Variants in GALNT17 observed in about 807,000 individuals in gnomAD.
The protein encoded by GALNT17 is UDP-GalNAc:polypeptide N-acetylgalactosaminyltransferase-like 3.
Under a neutral mutation model 63.7 loss-of-function variants are expected in GALNT17, and 29 were observed. The ratio of observed to expected loss-of-function variants is 0.46; its 90% CI spans 0.34 to 0.62. GALNT17 has a LOEUF of 0.62. Ranked by LOEUF, GALNT17 falls within the 20% of genes least tolerant of loss-of-function variation. The probability of loss-of-function intolerance (pLI) is 0.01; values close to 1 mark genes in which losing one functional copy is unlikely to be tolerated. For synonymous variants in GALNT17, 305 were observed against 318.3 expected, an observed-to-expected ratio of 0.96 and a Z score of 0.45; for missense variants, 603 against 799.6, an observed-to-expected ratio of 0.75 and a Z score of 2.97.
chr7:71,311,469 C>CA (rs1791412876), intron 1 of GALNT17, among the ~76,000 whole-genome samples: 1 of 151,924 alleles, frequency 6.6e-6, no homozygotes, highest in South Asian at 2.1e-4. Context: ...CCCATCTCTA[C>CA]AAAAAATAAA....
intron 5 of GALNT17, among the ~76,000 whole-genome samples, chr7:71,555,532 C>T (rs1274289252): frequency 6.6e-6 from 1 of 151,970 alleles, no homozygotes; most frequent in East Asian, 1.9e-4. Flanking sequence ...CATCAGGCCC[C>T]ACCTATAACA....
intron 9 of GALNT17, among the ~76,000 whole-genome samples, chr7:71,693,262 A>G (rs1791485444): frequency 2.2e-5 from 2 of 90,600 alleles, no homozygotes; most frequent in Non-Finnish European, 4.9e-5. Flanking sequence ...ACACACACAC[A>G]TACACACACA....
chr7:71,377,105 AATAAAAAAAAT>A (rs1792749002), intron 2 of GALNT17, among the ~76,000 whole-genome samples: 6 of 64,716 alleles, frequency 9.3e-5, no homozygotes, highest in African/African-American at 3.2e-4. Flanking sequence ...AAAAAATAAA[AATAAAAAAAAT>A]ATATATATAT....
chr7:71,689,642 C>T (rs528741511), intron 9 of GALNT17, among the ~76,000 whole-genome samples: 2 of 152,336 alleles, frequency 1.3e-5, no homozygotes, highest in South Asian at 4.1e-4. Context: ...CAGGGTGAAG[C>T]AGCAAGTGCT....
intron 3 of GALNT17, among the ~76,000 whole-genome samples, chr7:71,399,256 T>C (rs1022023113): frequency 6.6e-6 from 1 of 152,000 alleles, no homozygotes; most frequent in Non-Finnish European, 1.5e-5. Context: ...CCAAAAAAAA[T>C]GTGGGAGTAG....
chr7:71,697,110 A>G (rs561625573), intron 9 of GALNT17, among the ~76,000 whole-genome samples: 2 of 152,300 alleles, frequency 1.3e-5, no homozygotes, highest in Non-Finnish European at 2.9e-5. Context: ...ACTAAGCCAG[A>G]AAAGCAAGAG....
At chr7:71,655,102 T>C (rs1790809800) in intron 6 of GALNT17, among the ~76,000 whole-genome samples, 1 of 151,954 alleles carries the variant, frequency 6.6e-6, no homozygotes, top group Non-Finnish European at 1.5e-5. Flanking sequence ...CTACAAAATA[T>C]TCAAAAATTA....
In GALNT17 at chr7:71,157,128, C is replaced by A. The variant is rs78462632; in HGVS notation, c.238+24088C>A. Among the ~76,000 whole-genome samples, 135 of 151,608 alleles carry A rather than the reference C, an allele frequency of 8.9e-4. 3 individuals are homozygous for A. The highest frequency in any genetic ancestry group is 3.2e-3 in the African/African-American group (130 of 41,102). ...TGAGCCACTGTGCATGGTTCAACACCCTTGTTTTGAAGTACTTTTCTAGTC... is the reference window on the plus strand; with the variant it reads ...TGAGCCACTGTGCATGGTTCAACACACTTGTTTTGAAGTACTTTTCTAGTC... On this transcript the variant is annotated intron_variant, in intron 1 of 10. Coordinates refer to ENST00000333538, the MANE Select transcript of GALNT17 (RefSeq NM_022479.3).
intron 2 of GALNT17, among the ~76,000 whole-genome samples, chr7:71,370,646 T>C (rs1024397001): frequency 6.6e-6 from 1 of 152,048 alleles, no homozygotes; most frequent in Non-Finnish European, 1.5e-5. Flanking sequence ...TTTTGTATTT[T>C]TAGTAGAGAT....
chr7:71,247,792 A>T (rs570279231), intron 1 of GALNT17, among the ~76,000 whole-genome samples: 1 of 152,370 alleles, frequency 6.6e-6, no homozygotes, highest in South Asian at 2.1e-4. Flanking sequence ...CTAACCAGTA[A>T]CATAAAGTCC....
intron 2 of GALNT17, among the ~76,000 whole-genome samples, chr7:71,338,984 G>A (rs546161916): frequency 1.0e-3 from 159 of 152,266 alleles, no homozygotes; most frequent in African/African-American, 3.7e-3. Context: ...GCTATTTTGT[G>A]TCCCTGGACT....
chr7:71,540,093 C>CTTTTTTTTTTTTTTTTTTTTT lies in GALNT17; in HGVS notation c.963-31177_963-31157dup, dbSNP rs71089954. Among the ~76,000 whole-genome samples, 5 of 33,524 alleles carry CTTTTTTTTTTTTTTTTTTTTT rather than the reference C, an allele frequency of 1.5e-4. 1 individual carries two copies. The highest frequency in any genetic ancestry group is 2.2e-4 in the Non-Finnish European group (4 of 18,022). 22.0% of individuals were successfully genotyped at this position (33,524 alleles called of 152,430 possible). On this transcript the variant is annotated intron_variant, in intron 5 of 10. Transcript: ENST00000333538. ...ACAGTTGTGAGCCACTGTGCCTGGCCTTTTTTTTTTTTTTTTTTTTTTTTT... is the reference window on the plus strand; with the variant it reads ...ACAGTTGTGAGCCACTGTGCCTGGCCTTTTTTTTTTTTTTTTTTTTTTTTTTTTTTTTTTTTTTTTTTTTTT...
intron 1 of GALNT17, among the ~76,000 whole-genome samples, chr7:71,308,193 A>G (rs1791342674): frequency 6.6e-6 from 1 of 152,058 alleles, no homozygotes; most frequent in Admixed American, 6.6e-5. Context: ...TGTCGTGGTG[A>G]CTCACATTTG....
At chr7:71,596,311 T>C (rs1040943893) in intron 6 of GALNT17, among the ~76,000 whole-genome samples, 3 of 152,106 alleles carry the variant, frequency 2.0e-5, no homozygotes, top group Non-Finnish European at 1.5e-5. Context: ...GTGCTGGGAT[T>C]ACAGGCGTGA....
intron 6 of GALNT17, among the ~76,000 whole-genome samples, chr7:71,588,219 A>G (rs1193442339): frequency 6.6e-6 from 1 of 152,104 alleles, no homozygotes; most frequent in Non-Finnish European, 1.5e-5. Flanking sequence ...ATTACCAGGT[A>G]TTTACTTCTT....
intron 2 of GALNT17, among the ~76,000 whole-genome samples, chr7:71,348,769 C>T (rs977805103): frequency 6.6e-6 from 1 of 152,166 alleles, no homozygotes; most frequent in African/African-American, 2.4e-5. Context: ...GGGGCTAGCT[C>T]ATCTCATCTA....
chr7:71,481,366 G>T (rs554904249), intron 5 of GALNT17, among the ~76,000 whole-genome samples: 1 of 152,120 alleles, frequency 6.6e-6, no homozygotes, highest in African/African-American at 2.4e-5. Context: ...CAGGAGAATC[G>T]CTTGAACCCG....
At chr7:71,314,640 A>G (rs1216422744) in intron 1 of GALNT17, among the ~76,000 whole-genome samples, 1 of 152,126 alleles carries the variant, frequency 6.6e-6, no homozygotes, top group African/African-American at 2.4e-5. Flanking sequence ...TTTACATCCC[A>G]TGAAATTCAC....
chr7:71,698,624 C>A (rs1791579925), intron 9 of GALNT17, among the ~76,000 whole-genome samples: 2 of 151,772 alleles, frequency 1.3e-5, no homozygotes, highest in Non-Finnish European at 2.9e-5. Flanking sequence ...TAGAGGGGAA[C>A]AATGAAATCT....
Sources: allele counts gnomAD v4.1 joint callset (sites outside exome capture counted in the v4.1 genomes callset), GRCh38; gene constraint gnomAD v4.1.1; transcripts MANE v1.5; gene names NCBI Gene and HGNC (gene_info 2026-07-23, HGNC 2026-07-21).